Variants in NPAS2 observed in about 807,000 individuals in gnomAD.
NPAS2 encodes neuronal PAS domain protein 2, also known as neuronal PAS domain-containing protein 2.
In NPAS2, 23 loss-of-function variants were observed where a neutral mutation model predicts 107.5. The ratio of observed to expected loss-of-function variants is 0.21; its 90% CI spans 0.15 to 0.30. NPAS2 has a LOEUF of 0.30. NPAS2 is among the 10% of genes least tolerant of loss of function. NPAS2 has a pLI of 1.00. For missense variants in NPAS2, 756 were observed against 1,043.3 expected (o/e 0.72, Z 3.79); for synonymous variants, 403 against 417.5 (o/e 0.97, Z 0.42).
In NPAS2 at chr2:100,988,105, C is replaced by T. The variant is rs1289702936; in HGVS notation, c.1656C>T (p.Ser552=). The stretch of plus-strand genomic sequence containing the variant: ...TGTTCCTGCAGCAGCCAGCTGTATC[C>T]CTGAGCTTCAGCAGCACCCAGCGAC... ...VQMFLQQPAV[S]LSFSSTQRPE... is the part of the protein sequence containing the mutation. The change falls in exon 17 of 21, where the codon TCC becomes TCT. Residue 552 remains serine (S), a synonymous_variant. Transcript: ENST00000335681. 7 of 1,614,156 alleles carry T rather than the reference C, an allele frequency of 4.3e-6. No individual in the cohort carries two copies. The highest frequency in any genetic ancestry group is 5.9e-6 in the Non-Finnish European group (7 of 1,180,010).
At chr2:100,924,276 G>A (rs1683423367) in intron 2 of NPAS2, among the ~76,000 whole-genome samples, 1 of 152,104 alleles carries the variant, frequency 6.6e-6, no homozygotes, top group African/African-American at 2.4e-5. Context: ...TAACATCAAG[G>A]CACACTCTTG....
intron 6 of NPAS2, 130 bp from the exon 7 acceptor site, chr2:100,949,237 C>T (rs111548078): frequency 9.0e-6 from 6 of 667,378 alleles, no homozygotes; most frequent in African/African-American, 3.7e-5. Context: ...AAAAGTCAGT[C>T]GTAGTGAGAG....
intron 2 of NPAS2, among the ~76,000 whole-genome samples, chr2:100,913,994 G>A (rs1198055489): frequency 6.6e-6 from 1 of 152,204 alleles, no homozygotes; most frequent in Non-Finnish European, 1.5e-5. Context: ...GGGCAGCTGG[G>A]TGTGAAGTCC....
At chr2:100,857,494 CA>C (rs1678653633) in intron 1 of NPAS2, among the ~76,000 whole-genome samples, 1 of 152,134 alleles carries the variant, frequency 6.6e-6, no homozygotes, top group Non-Finnish European at 1.5e-5. Context: ...TGGCTGCCCT[CA>C]GATGTGGCCA....
intron 4 of NPAS2, among the ~76,000 whole-genome samples, chr2:100,934,496 G>C (rs1446203581): frequency 6.6e-6 from 1 of 152,186 alleles, no homozygotes; most frequent in African/African-American, 2.4e-5. Flanking sequence ...CTTGCTCCCG[G>C]TGTAGACTCC....
intron 1 of NPAS2, among the ~76,000 whole-genome samples, chr2:100,887,770 G>C (rs188936241): frequency 1.3e-5 from 2 of 151,810 alleles, no homozygotes; most frequent in African/African-American, 4.8e-5. Flanking sequence ...GCTGGCATGA[G>C]CCACCCAGGC....
intron 2 of NPAS2, among the ~76,000 whole-genome samples, chr2:100,915,390 G>A (rs1040874494): frequency 6.6e-6 from 1 of 152,198 alleles, no homozygotes; most frequent in Non-Finnish European, 1.5e-5. Flanking sequence ...CTGGGAACCA[G>A]AAGGTACTGG....
chr2:100,983,104 C>G (rs974723367), intron 16 of NPAS2: 11 of 152,214 alleles, frequency 7.2e-5, no homozygotes, highest in African/African-American at 2.7e-4. Flanking sequence ...TCTGACCCAG[C>G]CTTTGATTGT....
chr2:100,878,628 A>C (rs1680136313), intron 1 of NPAS2: 2 of 985,274 alleles, frequency 2.0e-6, no homozygotes. Context: ...TGCTAACAGA[A>C]TCAAGGTAAC....
At chr2:100,907,863 A>G (rs1323927396) in intron 2 of NPAS2, among the ~76,000 whole-genome samples, 1 of 152,206 alleles carries the variant, frequency 6.6e-6, no homozygotes, top group African/African-American at 2.4e-5. Context: ...TGAGTGCTCT[A>G]TTCTTCAGGG....
intron 16 of NPAS2, chr2:100,984,382 T>C (rs1347651541): frequency 6.6e-6 from 1 of 152,116 alleles, no homozygotes; most frequent in East Asian, 1.9e-4. Context: ...CCCCCAAAAG[T>C]AGAGGGATAG....
chr2:100,885,609 C>T (rs1006713888), intron 1 of NPAS2, among the ~76,000 whole-genome samples: 4 of 152,170 alleles, frequency 2.6e-5, no homozygotes, highest in East Asian at 3.8e-4. Context: ...GTAAATGGAA[C>T]GTTCTTTGTG....
At chr2:100,845,019 G>A (rs927159677) in intron 1 of NPAS2, among the ~76,000 whole-genome samples, 1 of 152,134 alleles carries the variant, frequency 6.6e-6, no homozygotes, top group Admixed American at 6.5e-5. Context: ...GGCAGGCAGG[G>A]GGTGGGAAAG....
At chr2:100,848,983 C>T (rs1452711911) in intron 1 of NPAS2, among the ~76,000 whole-genome samples, 2 of 152,228 alleles carry the variant, frequency 1.3e-5, no homozygotes, top group Admixed American at 6.5e-5. Flanking sequence ...GGGCAGATGC[C>T]GCAGGTCATC....
At chr2:100,821,594 A>G (rs1414000518) in intron 1 of NPAS2, among the ~76,000 whole-genome samples, 6 of 152,152 alleles carry the variant, frequency 3.9e-5, no homozygotes, top group African/African-American at 1.4e-4. Context: ...TTCCCAGGTA[A>G]TTAGTTCTAA....
intron 7 of NPAS2, among the ~76,000 whole-genome samples, chr2:100,955,912 T>A (rs1675540976): frequency 6.6e-6 from 1 of 152,064 alleles, no homozygotes; most frequent in African/African-American, 2.4e-5. Context: ...TGTTTGTTTG[T>A]TTGTTTTTTT....
chr2:100,878,889 C>T (rs1183002952), intron 1 of NPAS2, among the ~76,000 whole-genome samples: 5 of 152,066 alleles, frequency 3.3e-5, no homozygotes, highest in African/African-American at 7.2e-5. Flanking sequence ...GAGGCTGAGG[C>T]GGGTGGATCA....
intron 1 of NPAS2, among the ~76,000 whole-genome samples, chr2:100,871,703 C>T (rs534344008): frequency 6.6e-6 from 1 of 152,226 alleles, no homozygotes; most frequent in South Asian, 2.1e-4. Flanking sequence ...ATTAACCACA[C>T]TTGTCACCTC....
intron 2 of NPAS2, among the ~76,000 whole-genome samples, chr2:100,908,258 C>T (rs142867363): frequency 1.9e-4 from 29 of 152,096 alleles, no homozygotes; most frequent in African/African-American, 6.0e-4. Flanking sequence ...GCGTCTGATC[C>T]CCTGGCACAG....
Sources: allele counts gnomAD v4.1 joint callset (sites outside exome capture counted in the v4.1 genomes callset), GRCh38; gene constraint gnomAD v4.1.1; transcripts MANE v1.5; gene names NCBI Gene and HGNC (gene_info 2026-07-23, HGNC 2026-07-21).